The following NTM variants were observed in gnomAD, a reference collection of about 807,000 sequenced individuals.
NTM encodes neurotrimin, also known as IgLON family member 2.
Under a neutral mutation model 42.1 loss-of-function variants are expected in NTM, and 13 were observed. The observed-to-expected ratio is 0.31, with a 90% CI of 0.20 to 0.49. The LOEUF (loss-of-function observed/expected upper bound fraction) is 0.49, where lower values mean the gene tolerates loss of function less well. Ranked by LOEUF, NTM falls within the 20% of genes least tolerant of loss-of-function variation. The pLI, the probability that NTM is intolerant of heterozygous loss-of-function variation, is 0.99. For synonymous variants in NTM, 187 were observed against 179.2 expected (o/e 1.04, Z -0.35); for missense variants, 373 against 452.8 (o/e 0.82, Z 1.60).
intron 1 of NTM, among the ~76,000 whole-genome samples, chr11:131,397,553 TG>T (rs1037785802): frequency 6.6e-5 from 10 of 152,184 alleles, no homozygotes; most frequent in African/African-American, 2.4e-4. Flanking sequence ...TAGCTTTCTT[TG>T]GGCGGGCATG....
rs189151347 is a variant in NTM, at chr11:132,248,274, T to A, written c.526+36127T>A. Among the ~76,000 whole-genome samples the A allele has an allele frequency of 2.2e-3, 332 of 152,322 alleles. 1 individual carries two copies. The highest frequency in any genetic ancestry group is 6.8e-3 in the Middle Eastern group (2 of 294). On this transcript the variant is annotated intron_variant, in intron 4 of 8. Coordinates refer to ENST00000683400, the MANE Select transcript of NTM (RefSeq NM_001352005.2). Reference sequence around the variant, plus strand: ...ATAGTCTTTTTCTGATCCCCTGAACTTTCCCATCTGCTTCATAAAACAATG... The same window carrying A: ...ATAGTCTTTTTCTGATCCCCTGAACATTCCCATCTGCTTCATAAAACAATG...
At chr11:131,510,830 C>A (rs1034396324) in intron 1 of NTM, among the ~76,000 whole-genome samples, 1 of 151,826 alleles carries the variant, frequency 6.6e-6, no homozygotes, top group Non-Finnish European at 1.5e-5. Flanking sequence ...CAGAGCTCGG[C>A]CTTCTGCCCC....
At chr11:131,531,161 G>A (rs1229732389) in intron 1 of NTM, among the ~76,000 whole-genome samples, 1 of 152,204 alleles carries the variant, frequency 6.6e-6, no homozygotes, top group African/African-American at 2.4e-5. Flanking sequence ...CTTTTAGACA[G>A]GATCTCACTT....
chr11:132,123,891 G>A (rs2065241912), intron 2 of NTM, among the ~76,000 whole-genome samples: 1 of 152,130 alleles, frequency 6.6e-6, no homozygotes, highest in Admixed American at 6.5e-5. Flanking sequence ...CACTTTCTCA[G>A]GACAGAAACC....
At chr11:132,319,799 TGA>T (rs1204466573) in intron 7 of NTM, among the ~76,000 whole-genome samples, 1 of 152,238 alleles carries the variant, frequency 6.6e-6, no homozygotes, top group Non-Finnish European at 1.5e-5. Flanking sequence ...GCTGGAGATC[TGA>T]GAACAGGCAG....
At position 132,199,269 on chromosome 11, in the gene NTM, T is replaced by A. The variant is rs185303572; in HGVS notation, c.401-12753T>A. Among the ~76,000 whole-genome samples the A allele has an allele frequency of 3.6e-4, 55 of 152,108 alleles. No individual in the cohort carries two copies. The East Asian group carries it at 8.9e-3, about 25-fold the overall frequency. On this transcript the variant is annotated intron_variant, in intron 3 of 8. Transcript: ENST00000683400. ...TGACTGCAAAGCATGGTACATAGAGTGTAGTTCACCTAATTCATATGGAGG... is the reference window on the plus strand; with the variant it reads ...TGACTGCAAAGCATGGTACATAGAGAGTAGTTCACCTAATTCATATGGAGG...
chr11:131,491,034 G>C (rs961138422), intron 1 of NTM, among the ~76,000 whole-genome samples: 1 of 152,222 alleles, frequency 6.6e-6, no homozygotes, highest in Non-Finnish European at 1.5e-5. Context: ...ATGTGGCCCA[G>C]TATTGGGGAT....
chr11:132,263,175 G>T (rs926891002), intron 4 of NTM, among the ~76,000 whole-genome samples: 12 of 152,320 alleles, frequency 7.9e-5, no homozygotes, highest in South Asian at 2.1e-4. Flanking sequence ...GGGCAGGGTT[G>T]CAGCTCCATG....
At chr11:131,441,984 T>G (rs1245820643) in intron 1 of NTM, among the ~76,000 whole-genome samples, 3 of 152,214 alleles carry the variant, frequency 2.0e-5, no homozygotes, top group African/African-American at 7.2e-5. Context: ...TGAATCATTA[T>G]TTAGGTGATT....
chr11:131,576,153 G>A (rs570933490), intron 1 of NTM, among the ~76,000 whole-genome samples: 4 of 152,212 alleles, frequency 2.6e-5, no homozygotes, highest in African/African-American at 7.2e-5. Flanking sequence ...AGAAGGGAAG[G>A]ACCCAGCCCC....
In NTM at chr11:131,608,285, C is replaced by A. The variant is rs186532901; in HGVS notation, c.82+237397C>A. 2.0e-5 allele frequency among the ~76,000 whole-genome samples: 3 copies of A among 152,286 alleles called. No homozygotes were observed. In the East Asian group the frequency reaches 5.8e-4, roughly 29 times the overall value. ...CGTATATGTGCCACATTTTCTTAAT[C>A]CAGTCTACCATCGTTGGACATTTGG... On this transcript the variant is annotated intron_variant, in intron 1 of 8. Coordinates refer to ENST00000683400, the MANE Select transcript of NTM (RefSeq NM_001352005.2).
At chr11:131,712,294 T>C (rs2077256419) in intron 1 of NTM, among the ~76,000 whole-genome samples, 1 of 151,912 alleles carries the variant, frequency 6.6e-6, no homozygotes, top group Non-Finnish European at 1.5e-5. Context: ...TTACAATGCT[T>C]GTACCCTCAA....
At chr11:131,433,762 T>C (rs1407024460) in intron 1 of NTM, among the ~76,000 whole-genome samples, 1 of 152,186 alleles carries the variant, frequency 6.6e-6, no homozygotes, top group Admixed American at 6.5e-5. Context: ...ATCCCTGCTA[T>C]TTTGGAGTTT....
At chr11:132,266,174 C>T (rs550845676) in intron 4 of NTM, among the ~76,000 whole-genome samples, 2 of 152,288 alleles carry the variant, frequency 1.3e-5, no homozygotes, top group African/African-American at 4.8e-5. Flanking sequence ...CACTTCAGGA[C>T]AGTCTTTTGT....
chr11:132,049,803 G>A (rs1303321388), intron 2 of NTM, among the ~76,000 whole-genome samples: 1 of 152,180 alleles, frequency 6.6e-6, no homozygotes, highest in Admixed American at 6.5e-5. Flanking sequence ...CAGTCATGAG[G>A]ATGGCCACCA....
chr11:132,157,983 C>G (rs529732017), intron 3 of NTM, among the ~76,000 whole-genome samples: 6 of 152,326 alleles, frequency 3.9e-5, no homozygotes, highest in Admixed American at 3.9e-4. Context: ...TTACCTTTGT[C>G]TGGAGTGTTC....
chr11:132,319,857 A>T (rs1289339941), intron 7 of NTM, among the ~76,000 whole-genome samples: 9 of 152,182 alleles, frequency 5.9e-5, no homozygotes, highest in Admixed American at 5.9e-4. Context: ...GCCTAACGGG[A>T]GGCACCCCCC....
At chr11:131,511,291 A>G (rs982978333) in intron 1 of NTM, among the ~76,000 whole-genome samples, 15 of 152,300 alleles carry the variant, frequency 9.8e-5, no homozygotes, top group Admixed American at 2.6e-4. Flanking sequence ...GGCCCCAGCC[A>G]GGCCATGAGC....
chr11:131,767,798 C>T (rs1591702230), intron 1 of NTM, among the ~76,000 whole-genome samples: 1 of 152,162 alleles, frequency 6.6e-6, no homozygotes, highest in Admixed American at 6.5e-5. Flanking sequence ...GCAAGCCAAT[C>T]CCTGAGCCTT....
Sources: gnomAD v4.1 joint callset for allele counts (sites outside exome capture counted in the v4.1 genomes callset) on GRCh38, gnomAD v4.1.1 for gene constraint, MANE v1.5 for transcripts, NCBI Gene and HGNC (gene_info 2026-07-23, HGNC 2026-07-21) for gene names.